The following HUNK variants were observed in gnomAD, a reference collection of about 807,000 sequenced individuals.
HUNK encodes the protein hormonally up-regulated Neu-associated kinase, also known as hormonally up-regulated neu tumor-associated kinase.
A neutral mutation model predicts 61.0 loss-of-function variants in HUNK; 21 were observed. The observed-to-expected ratio is 0.34, with a 90% CI of 0.24 to 0.50. The LOEUF is 0.50. Ranked by LOEUF, HUNK falls within the 20% of genes least tolerant of loss-of-function variation. The probability of loss-of-function intolerance (pLI) is 0.98; values close to 1 mark genes in which losing one functional copy is unlikely to be tolerated. For synonymous variants in HUNK, 371 were observed against 386.1 expected, an observed-to-expected ratio of 0.96 and a Z score of 0.46; for missense variants, 772 against 945.7, an observed-to-expected ratio of 0.82 and a Z score of 2.41.
chr21:31,995,144 A>G (rs2053195242), intron 9 of HUNK, among the ~76,000 whole-genome samples: 1 of 135,364 alleles, frequency 7.4e-6, no homozygotes, highest in South Asian at 2.7e-4. Flanking sequence ...GGGTGATAGC[A>G]CAAGACCCTG....
intron 4 of HUNK, 43 bp from the exon 5 acceptor site, chr21:31,958,800 A>G (rs921499650): frequency 1.3e-6 from 2 of 1,527,896 alleles, no homozygotes; most frequent in Non-Finnish European, 1.8e-6. Flanking sequence ...TCCCCTCCCC[A>G]GGGGACCTGA....
intron 4 of HUNK, among the ~76,000 whole-genome samples, chr21:31,948,536 G>T (rs1193059912): frequency 3.3e-5 from 5 of 152,140 alleles, no homozygotes; most frequent in Non-Finnish European, 7.3e-5. Flanking sequence ...AGCTGAGGGG[G>T]CAGGGACCAC....
At chr21:31,905,394 T>A (rs2052498188) in intron 1 of HUNK, among the ~76,000 whole-genome samples, 1 of 152,198 alleles carries the variant, frequency 6.6e-6, no homozygotes, top group Non-Finnish European at 1.5e-5. Context: ...TACTTTGTTG[T>A]GACAGCCCTA....
chr21:31,946,058 A>G lies in HUNK; in HGVS notation c.633A>G (p.Ala211=). Residue 211 remains alanine (A), a synonymous_variant, in exon 4 of 11, where the codon GCA becomes GCG. Transcript: ENST00000270112. ...CAGACTTTGGTTTGAGCAACTGCGC[A>G]GGGATCCTGGGTTACTCGGATCCGT... The part of the protein sequence containing the change: ...KLIDFGLSNC[A]GILGYSDPFS... 4.4e-6 allele frequency: 7 copies of G among 1,605,892 alleles called. No homozygotes were observed. The highest frequency in any genetic ancestry group is 6.0e-6 in the Non-Finnish European group (7 of 1,173,494).
chr21:31,974,533 C>T, intron 6 of HUNK, 22 bp from the exon 7 acceptor site: 1 of 1,603,502 alleles, frequency 6.2e-7, no homozygotes, highest in Non-Finnish European at 8.5e-7. Context: ...GGTGACTGGT[C>T]CTCTCTCTCT....
At chr21:31,941,553 C>T (rs577434438) in intron 3 of HUNK, among the ~76,000 whole-genome samples, 6 of 152,234 alleles carry the variant, frequency 3.9e-5, no homozygotes, top group South Asian at 2.1e-4. Flanking sequence ...GTGATCTGCC[C>T]GCCTTGGTCT....
chr21:31,997,780 G>C (rs890835054), intron 10 of HUNK, among the ~76,000 whole-genome samples: 5 of 152,188 alleles, frequency 3.3e-5, no homozygotes, highest in African/African-American at 1.2e-4. Flanking sequence ...GTCTTCCACT[G>C]TGGGCTGTCC....
chr21:31,878,956 G>T (rs907288815), intron 1 of HUNK, among the ~76,000 whole-genome samples: 1 of 152,182 alleles, frequency 6.6e-6, no homozygotes, highest in Non-Finnish European at 1.5e-5. Flanking sequence ...CTTGGTTAAA[G>T]AATAATAAGC....
intron 4 of HUNK, among the ~76,000 whole-genome samples, chr21:31,953,636 C>T (rs1245764219): frequency 6.6e-6 from 1 of 152,168 alleles, no homozygotes; most frequent in Non-Finnish European, 1.5e-5. Context: ...CACAATTTAT[C>T]AAGCTTAATT....
chr21:31,947,714 CAGTG>C (rs920105164), intron 4 of HUNK, among the ~76,000 whole-genome samples: 3 of 152,178 alleles, frequency 2.0e-5, no homozygotes, highest in Admixed American at 1.3e-4. Flanking sequence ...CCCATGGTCA[CAGTG>C]AGTCACCCCC....
chr21:31,931,573 G>A (rs370886147), intron 2 of HUNK, among the ~76,000 whole-genome samples: 10 of 152,084 alleles, frequency 6.6e-5, no homozygotes, highest in Admixed American at 2.0e-4. Context: ...CCGGGTTGGC[G>A]GGTCCATTAG....
intron 5 of HUNK, among the ~76,000 whole-genome samples, chr21:31,961,730 G>A (rs150507011): frequency 6.6e-6 from 1 of 152,084 alleles, no homozygotes; most frequent in Non-Finnish European, 1.5e-5. Flanking sequence ...TTTCTTTGAG[G>A]GTTCAGAGCC....
At chr21:31,968,484 A>G in intron 6 of HUNK, 99 bp downstream of exon 6, 1 of 1,411,074 alleles carries the variant, frequency 7.1e-7, no homozygotes, top group Non-Finnish European at 9.7e-7. Context: ...ATTGAAGGAA[A>G]AGCCGCGCTC....
chr21:31,901,259 T>G (rs1463502363), intron 1 of HUNK, among the ~76,000 whole-genome samples: 1 of 152,144 alleles, frequency 6.6e-6, no homozygotes, highest in Non-Finnish European at 1.5e-5. Context: ...AGTTCTTCTG[T>G]AGAGTCTGGG....
At chr21:31,912,011 G>T (rs772624591) in intron 1 of HUNK, among the ~76,000 whole-genome samples, 1 of 152,154 alleles carries the variant, frequency 6.6e-6, no homozygotes, top group East Asian at 1.9e-4. Context: ...CGGTCTCCTC[G>T]TACCTACTTT....
chr21:31,876,523 A>G (rs987031716), intron 1 of HUNK, among the ~76,000 whole-genome samples: 1 of 152,214 alleles, frequency 6.6e-6, no homozygotes, highest in Non-Finnish European at 1.5e-5. Flanking sequence ...ATGAGTCCTC[A>G]TTCCCACTCT....
chr21:31,880,045 G>T (rs1238845443), intron 1 of HUNK, among the ~76,000 whole-genome samples: 2 of 152,192 alleles, frequency 1.3e-5, no homozygotes, highest in East Asian at 3.9e-4. Flanking sequence ...GAAACACAGG[G>T]ACTGAATAGT....
At chr21:31,995,976 G>A (rs1228301160) in intron 10 of HUNK, 28 bp downstream of exon 10, 11 of 1,575,034 alleles carry the variant, frequency 7.0e-6, no homozygotes, top group Non-Finnish European at 9.6e-6. Flanking sequence ...ACTCTCTCAG[G>A]CCACTCGTGT....
chr21:31,895,566 G>C (rs893725486), intron 1 of HUNK, among the ~76,000 whole-genome samples: 5 of 152,174 alleles, frequency 3.3e-5, no homozygotes, highest in African/African-American at 1.2e-4. Context: ...AATGGGAGAG[G>C]CCCATCCATC....
Sources: gnomAD v4.1 joint callset for allele counts (sites outside exome capture counted in the v4.1 genomes callset) on GRCh38, gnomAD v4.1.1 for gene constraint, MANE v1.5 for transcripts, NCBI Gene and HGNC (gene_info 2026-07-23, HGNC 2026-07-21) for gene names.